GRIP2: variants seen among roughly 807,000 people sequenced by gnomAD.
GRIP2 encodes the protein glutamate receptor interacting protein 2.
Under a neutral mutation model 108.3 loss-of-function variants are expected in GRIP2, and 58 were observed. The ratio of observed to expected loss-of-function variants is 0.54; its 90% CI spans 0.43 to 0.67. GRIP2 has a LOEUF of 0.67. Among genes scored for constraint, GRIP2 ranks in the 30% least tolerant of loss-of-function variants. The pLI, the probability that GRIP2 is intolerant of heterozygous loss-of-function variation, is 0.00. For missense variants in GRIP2, 1,278 were observed against 1,430.6 expected, an observed-to-expected ratio of 0.89 and a Z score of 1.72; for synonymous variants, 586 against 598.2, an observed-to-expected ratio of 0.98 and a Z score of 0.30.
Position 14,493,248 on chromosome 3 carries a change from C to G in GRIP2, c.*417G>C, listed in dbSNP as rs548713934. 7 of 171,052 alleles carry G rather than the reference C, an allele frequency of 4.1e-5. No homozygotes were observed. Among genetic ancestry groups the G allele is most frequent in the African/African-American group, 1.7e-4 (7 of 42,322 alleles). 10.6% of individuals were successfully genotyped at this position (171,052 alleles called of 1,614,324 possible). A position where few individuals can be genotyped will look rare whatever the true frequency, so the allele number is the denominator to read the frequency against. On this transcript the variant is annotated 3_prime_UTR_variant, in exon 24 of 24. Transcript: ENST00000621039. Reference sequence around the variant, plus strand: ...CTCCTGCCTGCTCACCTCCTGTGACCGAGAACTCACTCCTCCTTGCAGCTC... The same window carrying G: ...CTCCTGCCTGCTCACCTCCTGTGACGGAGAACTCACTCCTCCTTGCAGCTC...
chr3:14,535,129 C>T (rs572945363), intron 1 of GRIP2, among the ~76,000 whole-genome samples: 2 of 152,172 alleles, frequency 1.3e-5, no homozygotes, highest in East Asian at 3.9e-4. Context: ...CTCACCGGGA[C>T]CCTGGGTGCT....
At chr3:14,497,603 A>C (rs1439205961) in intron 21 of GRIP2, among the ~76,000 whole-genome samples, 2 of 152,234 alleles carry the variant, frequency 1.3e-5, no homozygotes, top group Non-Finnish European at 2.9e-5. Context: ...ACTTCATCCC[A>C]GGAGCAGCAG....
the GRIP2 span, among the ~76,000 whole-genome samples, chr3:14,563,362 T>G: frequency 6.6e-6 from 1 of 151,962 alleles, no homozygotes. Flanking sequence ...AATGAAAATT[T>G]AAAATTTAAA....
At chr3:14,560,691 G>A (rs947449715), upstream of GRIP2, among the ~76,000 whole-genome samples, 2 of 152,204 alleles carry the variant, frequency 1.3e-5, no homozygotes, top group Non-Finnish European at 1.5e-5. Context: ...GATGATGATG[G>A]CATCTCAGCA....
At chr3:14,601,103 C>A in the GRIP2 span, among the ~76,000 whole-genome samples, 1 of 152,000 alleles carries the variant, frequency 6.6e-6, no homozygotes, top group Non-Finnish European at 1.5e-5. Context: ...AACACACACA[C>A]GAGGCAGGGG....
chr3:14,577,956 C>T, the GRIP2 span, among the ~76,000 whole-genome samples: 1 of 152,250 alleles, frequency 6.6e-6, no homozygotes, highest in African/African-American at 2.4e-5. Context: ...TCGCCCAGGG[C>T]CTGTGGGGTG....
At position 14,522,684 on chromosome 3, in the gene GRIP2, A is replaced by T. The variant is rs1412518248; in HGVS notation, c.566+316T>A. 3 of 305,492 alleles carry T rather than the reference A, an allele frequency of 9.8e-6. No individual in the cohort carries two copies. The highest frequency in any genetic ancestry group is 1.7e-4 in the East Asian group (2 of 12,090). The allele number at this position is 305,492 out of a possible 1,614,324, so 18.9% of individuals were successfully genotyped here. On this transcript the variant is annotated intron_variant, in intron 6 of 23. Coordinates refer to ENST00000621039, the MANE Select transcript of GRIP2 (RefSeq NM_001080423.4). The surrounding 1 kb of genome is among the most constrained non-coding windows in gnomAD (Gnocchi z 4.3). ...GCGTGCCCCCAAATCTCTCATAGCAACTCTTAGGGACCATTCCACAGACGG... is the reference window on the plus strand; with the variant it reads ...GCGTGCCCCCAAATCTCTCATAGCATCTCTTAGGGACCATTCCACAGACGG...
intron 1 of GRIP2, among the ~76,000 whole-genome samples, chr3:14,554,485 A>T (rs1222888648): frequency 6.6e-6 from 1 of 152,080 alleles, no homozygotes; most frequent in Non-Finnish European, 1.5e-5. Flanking sequence ...TGGTCTCAGC[A>T]GAGGAGTCTC....
Position 14,491,664 on chromosome 3 carries a change from C to T in GRIP2, c.*2001G>A, listed in dbSNP as rs1701340341. On this transcript the variant is annotated 3_prime_UTR_variant, in exon 24 of 24. Transcript: ENST00000621039. Reference sequence around the variant, plus strand: ...TTAGAGTCGGGTGCATCTTCCCTCGCCTGGAGTCCTGGAGTCAATGCAGTT... The same window carrying T: ...TTAGAGTCGGGTGCATCTTCCCTCGTCTGGAGTCCTGGAGTCAATGCAGTT... 1 of 152,414 alleles carries T rather than the reference C, an allele frequency of 6.6e-6. No individual in the cohort carries two copies. The highest frequency in any genetic ancestry group is 2.4e-5 in the African/African-American group (1 of 41,448). 9.4% of individuals were successfully genotyped at this position (152,414 alleles called of 1,614,324 possible). A position where few individuals can be genotyped will look rare whatever the true frequency, so the allele number is the denominator to read the frequency against.
rs184677590 is a variant in GRIP2, at chr3:14,533,778, G to A, written c.40+6491C>T. On this transcript the variant is annotated intron_variant, in intron 1 of 23. Transcript: ENST00000621039. ...ACAGCTTAGGGACAGCGGAGGTGCC[G>A]GAGTCTGCTGGTCTCAACACCGAGT... 7.9e-5 allele frequency among the ~76,000 whole-genome samples: 12 copies of A among 152,326 alleles called. No individual in the cohort carries two copies. The South Asian group carries it at 1.0e-3, about 13-fold the overall frequency.
Position 14,493,540 on chromosome 3 carries a change from C to T in GRIP2, c.*125G>A, listed in dbSNP as rs1208872218. 2 of 1,163,356 alleles carry T rather than the reference C, an allele frequency of 1.7e-6. No individual in the cohort carries two copies. The highest frequency in any genetic ancestry group is 2.4e-6 in the Non-Finnish European group (2 of 846,716). The allele number at this position is 1,163,356 out of a possible 1,614,324, so 72.1% of individuals were successfully genotyped here. ...TGGGGAACAGAGACCAAGCATCATCCCAGGCTCAGAGTCTGCCAGACCAAC... is the reference window on the plus strand; with the variant it reads ...TGGGGAACAGAGACCAAGCATCATCTCAGGCTCAGAGTCTGCCAGACCAAC... On this transcript the variant is annotated 3_prime_UTR_variant, in exon 24 of 24. Transcript: ENST00000621039.
the GRIP2 span, among the ~76,000 whole-genome samples, chr3:14,575,433 C>G: frequency 6.6e-6 from 1 of 152,176 alleles, no homozygotes; most frequent in Non-Finnish European, 1.5e-5. Context: ...ATGGGTGGAT[C>G]CCACCTCTCC....
intron 1 of GRIP2, among the ~76,000 whole-genome samples, chr3:14,536,488 C>A (rs558755528): frequency 6.6e-6 from 1 of 152,262 alleles, no homozygotes; most frequent in East Asian, 1.9e-4. Context: ...CTCCAGTATC[C>A]CAAGAATACC....
chr3:14,493,710 G>A lies in GRIP2; in HGVS notation c.3087C>T (p.Ser1029=). ...ISRKPHTAHS[S]RAPRSPGPSS... ...TGGGGCCTGGCGATCGGGGGGCCCG[G>A]CTGCTGTGTGCCGTGTGCGGCTTGC... Residue 1029 remains serine, a synonymous_variant, in exon 24 of 24, where the codon AGC becomes AGT. Transcript: ENST00000621039. 1.2e-6 allele frequency: 2 copies of A among 1,609,732 alleles called. No homozygotes were observed. The highest frequency in any genetic ancestry group is 1.7e-6 in the Non-Finnish European group (2 of 1,178,324).
At chr3:14,601,377 T>G in the GRIP2 span, among the ~76,000 whole-genome samples, 1 of 152,162 alleles carries the variant, frequency 6.6e-6, no homozygotes, top group Non-Finnish European at 1.5e-5. Flanking sequence ...CCCTGCTCCT[T>G]GGGGGCAGCT....
the GRIP2 span, chr3:14,573,345 T>C: frequency 5.1e-6 from 7 of 1,374,964 alleles, no homozygotes; most frequent in South Asian, 8.3e-5. Context: ...GATGGCTATG[T>C]GGTGCCACCC....
At chr3:14,555,584 C>T (rs1361378473) in intron 1 of GRIP2, among the ~76,000 whole-genome samples, 2 of 151,092 alleles carry the variant, frequency 1.3e-5, no homozygotes, top group African/African-American at 4.9e-5. Flanking sequence ...GACCCAGAGG[C>T]CAGACAGAGA....
intron 1 of GRIP2, among the ~76,000 whole-genome samples, chr3:14,535,992 A>G (rs1272136723): frequency 6.6e-6 from 1 of 152,132 alleles, no homozygotes; most frequent in African/African-American, 2.4e-5. Context: ...TCCAATCCCC[A>G]CGGGCGACAA....
chr3:14,536,555 G>T (rs1177103516), intron 1 of GRIP2, among the ~76,000 whole-genome samples: 1 of 152,208 alleles, frequency 6.6e-6, no homozygotes, highest in Non-Finnish European at 1.5e-5. Flanking sequence ...AGGACCCATG[G>T]CATCACCTGG....
Sources: gnomAD v4.1 joint callset for allele counts (sites outside exome capture counted in the v4.1 genomes callset) on GRCh38, gnomAD v4.1.1 for gene constraint, Gnocchi (gnomAD v3.1) non-coding constraint, MANE v1.5 for transcripts, NCBI Gene and HGNC (gene_info 2026-07-23, HGNC 2026-07-21) for gene names.